The following CLASP1 variants were observed in gnomAD, a reference collection of about 807,000 sequenced individuals.
The protein encoded by CLASP1 is cytoplasmic linker associated protein 1, also known as CLIP-associating protein 1.
CLASP1 carries 38 observed loss-of-function variants against 192.3 expected under a neutral mutation model. That is an observed-to-expected ratio of 0.20 (90% CI 0.15 to 0.26). The LOEUF (loss-of-function observed/expected upper bound fraction) is 0.26. Among genes scored for constraint, CLASP1 ranks in the 10% least tolerant of loss-of-function variants. The probability of loss-of-function intolerance (pLI) is 1.00; values close to 1 mark genes in which losing one functional copy is unlikely to be tolerated. For synonymous variants in CLASP1, 691 were observed against 712.8 expected, an observed-to-expected ratio of 0.97 and a Z score of 0.49; for missense variants, 1,433 against 1,932.5, an observed-to-expected ratio of 0.74 and a Z score of 4.85.
chr2:121,395,853 G>A (rs1559024372), intron 30 of CLASP1, among the ~76,000 whole-genome samples: 4 of 152,150 alleles, frequency 2.6e-5, no homozygotes, highest in Admixed American at 1.3e-4. Flanking sequence ...GGAACAGAGA[G>A]GCCAAGCCTA....
At chr2:121,584,383 G>T (rs918705519) in intron 2 of CLASP1, among the ~76,000 whole-genome samples, 7 of 152,116 alleles carry the variant, frequency 4.6e-5, no homozygotes, top group African/African-American at 7.2e-5. Flanking sequence ...AACTTGTAGG[G>T]CATTCCATTA....
chr2:121,516,060 C>A (rs187491518), intron 6 of CLASP1, among the ~76,000 whole-genome samples: 1 of 152,004 alleles, frequency 6.6e-6, no homozygotes, highest in African/African-American at 2.4e-5. Flanking sequence ...ATTTTCAGAC[C>A]ATCTTTCCAA....
chr2:121,457,868 T>G, intron 13 of CLASP1, 111 bp from the exon 14 acceptor site: 1 of 676,850 alleles, frequency 1.5e-6, no homozygotes, highest in East Asian at 2.7e-5. Context: ...ATATTCAGAT[T>G]AGAATGTCAG....
At chr2:121,401,757 G>A (rs1052535615) in intron 27 of CLASP1, 85 bp from the exon 29 acceptor site, 11 of 1,180,568 alleles carry the variant, frequency 9.3e-6, no homozygotes, top group African/African-American at 4.5e-5. Context: ...ATGCCCATAC[G>A]TGCTTTGCCC....
intron 7 of CLASP1, among the ~76,000 whole-genome samples, chr2:121,506,983 G>A (rs1184598206): frequency 7.2e-5 from 11 of 152,080 alleles, no homozygotes; most frequent in African/African-American, 2.4e-4. Context: ...GATTTCCTGA[G>A]TTGCCACAAT....
At chr2:121,486,108 A>G (rs2092954703) in intron 8 of CLASP1, among the ~76,000 whole-genome samples, 1 of 152,200 alleles carries the variant, frequency 6.6e-6, no homozygotes, top group South Asian at 2.1e-4. Flanking sequence ...GCAAAGACAC[A>G]AAGGCAGTAA....
At chr2:121,527,918 AAGG>A (rs771929280) in intron 4 of CLASP1, 28 bp from the exon 5 acceptor site, 9 of 1,578,782 alleles carry the variant, frequency 5.7e-6, no homozygotes, top group Admixed American at 3.3e-5. Flanking sequence ...CAGGTGAGGA[AAGG>A]AGAAGACTGC....
At chr2:121,364,446 C>T (rs899539887) in intron 36 of CLASP1, 6 of 153,396 alleles carry the variant, frequency 3.9e-5, no homozygotes, top group African/African-American at 1.4e-4. Flanking sequence ...GAAGGCAGGA[C>T]TTTGACCAGA....
intron 8 of CLASP1, chr2:121,470,758 CAG>C: frequency 2.6e-6 from 1 of 382,936 alleles, no homozygotes; most frequent in Non-Finnish European, 5.0e-6. Context: ...CCAAAATTAT[CAG>C]AGAGGTCATA....
intron 2 of CLASP1, chr2:121,531,076 G>A (rs868048818): frequency 5.8e-6 from 4 of 686,408 alleles, no homozygotes; most frequent in South Asian, 3.0e-5. Context: ...AGTACTTTGT[G>A]GTTAAACCAG....
At chr2:121,485,720 G>T (rs13391414) in intron 8 of CLASP1, among the ~76,000 whole-genome samples, 1 of 151,996 alleles carries the variant, frequency 6.6e-6, no homozygotes, top group South Asian at 2.1e-4. Context: ...AGAAAAAAAA[G>T]AATTAGGGCA....
chr2:121,630,030 C>G (rs2069190834), intron 1 of CLASP1, among the ~76,000 whole-genome samples: 1 of 151,902 alleles, frequency 6.6e-6, no homozygotes, highest in African/African-American at 2.4e-5. Flanking sequence ...AAGCTATTCT[C>G]CTGCCTCAGC....
At chr2:121,543,231 G>A (rs1224077564) in intron 2 of CLASP1, among the ~76,000 whole-genome samples, 4 of 152,122 alleles carry the variant, frequency 2.6e-5, no homozygotes, top group African/African-American at 9.6e-5. Flanking sequence ...GGAAACTTGG[G>A]GCACCTCTTA....
At chr2:121,618,992 T>C (rs1410397765) in intron 1 of CLASP1, among the ~76,000 whole-genome samples, 1 of 152,202 alleles carries the variant, frequency 6.6e-6, no homozygotes, top group Admixed American at 6.5e-5. Flanking sequence ...GGAAAGATCA[T>C]TAAAAGCTGG....
intron 25 of CLASP1, among the ~76,000 whole-genome samples, chr2:121,406,724 G>T (rs539204458): frequency 6.8e-4 from 103 of 152,142 alleles, no homozygotes; most frequent in African/African-American, 2.5e-3. Flanking sequence ...GAAGTATCTG[G>T]GATTACAGAT....
rs562933640 is a variant in CLASP1, at chr2:121,530,648, G to A, written c.196-323C>T. 10 of 529,286 alleles carry A rather than the reference G, an allele frequency of 1.9e-5. 1 individual carries two copies. Among genetic ancestry groups the A allele is most frequent in the African/African-American group, 1.9e-5 (1 of 53,012 alleles). 32.8% of individuals were successfully genotyped at this position (529,286 alleles called of 1,614,324 possible). A position where few individuals can be genotyped will look rare whatever the true frequency, so the allele number is the denominator to read the frequency against. ...CGCCAGCCCCGCCCCGGCGAGAAAAGCGTATGCAAATTTTCGAGCGGCCGA... is the reference window on the plus strand; with the variant it reads ...CGCCAGCCCCGCCCCGGCGAGAAAAACGTATGCAAATTTTCGAGCGGCCGA... On this transcript the variant is annotated intron_variant, in intron 2 of 39. Coordinates refer to ENST00000263710, the Ensembl canonical transcript of CLASP1.
At chr2:121,531,355 G>A (rs1258166885) in intron 2 of CLASP1, among the ~76,000 whole-genome samples, 1 of 152,152 alleles carries the variant, frequency 6.6e-6, no homozygotes, top group Non-Finnish European at 1.5e-5. Context: ...CAGCACTTTG[G>A]GAGGCCGAGG....
intron 2 of CLASP1, among the ~76,000 whole-genome samples, chr2:121,595,686 T>G (rs1345054410): frequency 6.6e-6 from 1 of 152,188 alleles, no homozygotes. Flanking sequence ...GGGACTTTAT[T>G]ATCAACACTG....
intron 33 of CLASP1, among the ~76,000 whole-genome samples, chr2:121,378,668 T>C (rs2070856912): frequency 1.3e-5 from 2 of 152,198 alleles, no homozygotes; most frequent in Admixed American, 1.3e-4. Flanking sequence ...AAATGTCACT[T>C]GTTTCAAGAA....
Sources: allele counts gnomAD v4.1 joint callset (sites outside exome capture counted in the v4.1 genomes callset), GRCh38; gene constraint gnomAD v4.1.1; transcripts MANE v1.5; gene names NCBI Gene and HGNC (gene_info 2026-07-23, HGNC 2026-07-21).